The following TYW1B variants were observed in gnomAD, a reference collection of about 807,000 sequenced individuals.
The protein encoded by TYW1B is S-adenosyl-L-methionine-dependent tRNA 4-demethylwyosine synthase TYW1B.
TYW1B carries 73 observed loss-of-function variants against 86.9 expected under a neutral mutation model. The observed-to-expected ratio is 0.84, with a 90% confidence interval of 0.70 to 1.02. The LOEUF is 1.02. Among genes scored for constraint, TYW1B ranks in the 50% least tolerant of loss-of-function variants. TYW1B has a pLI of 0.00. For missense variants in TYW1B, 637 were observed against 827.4 expected, an observed-to-expected ratio of 0.77 and a Z score of 2.82; for synonymous variants, 248 against 292.8, an observed-to-expected ratio of 0.85 and a Z score of 1.56.
intron 4 of TYW1B, among the ~76,000 whole-genome samples, chr7:72,810,104 C>G (rs1483874601): frequency 6.6e-6 from 1 of 151,518 alleles, no homozygotes; most frequent in Non-Finnish European, 1.5e-5. Flanking sequence ...ATGGTGAAAC[C>G]CCGTCTCTAG....
chr7:72,680,297 TG>T (rs2129569926), intron 11 of TYW1B, among the ~76,000 whole-genome samples: 1 of 152,258 alleles, frequency 6.6e-6, no homozygotes, highest in Admixed American at 6.6e-5. Context: ...CCCCTCAGTC[TG>T]GGTGGGCACC....
intron 11 of TYW1B, among the ~76,000 whole-genome samples, chr7:72,629,653 C>T (rs1437016357): frequency 6.6e-6 from 1 of 151,984 alleles, no homozygotes; most frequent in Admixed American, 6.6e-5. Flanking sequence ...CTCAAGTGAT[C>T]CTCCTGCCTC....
chr7:72,774,082 GAAAC>G (rs1787911640), intron 7 of TYW1B, among the ~76,000 whole-genome samples: 3 of 138,826 alleles, frequency 2.2e-5, no homozygotes, highest in African/African-American at 8.0e-5. Context: ...AAAAAAAAAA[GAAAC>G]AAAGAAACTA....
chr7:72,781,037 T>C (rs1232802266), intron 6 of TYW1B, among the ~76,000 whole-genome samples: 1 of 151,948 alleles, frequency 6.6e-6, no homozygotes, highest in South Asian at 2.1e-4. Flanking sequence ...TCCTCTCCTG[T>C]ACCATCCCAT....
At chr7:72,737,071 C>T (rs1787209119) in intron 8 of TYW1B, among the ~76,000 whole-genome samples, 1 of 152,146 alleles carries the variant, frequency 6.6e-6, no homozygotes, top group Non-Finnish European at 1.5e-5. Context: ...GAACCTCACT[C>T]AAGCAATTAA....
intron 13 of TYW1B, among the ~76,000 whole-genome samples, chr7:72,579,025 T>C (rs1585821688): frequency 6.6e-6 from 1 of 152,126 alleles, no homozygotes; most frequent in East Asian, 1.9e-4. Context: ...GAGTAAAGGA[T>C]TGGTTTGAGC....
At chr7:72,762,657 TTTTTG>T (rs1189240456) in intron 7 of TYW1B, among the ~76,000 whole-genome samples, 2 of 152,100 alleles carry the variant, frequency 1.3e-5, no homozygotes, top group African/African-American at 4.8e-5. Flanking sequence ...ACTAGGGTGT[TTTTTG>T]TTTTGTTTTT....
Position 72,713,694 on chromosome 7 carries a change from A to C in TYW1B, c.1297T>G (p.Phe433Val), listed in dbSNP as rs1244986859. The C allele has an allele frequency of 1.2e-6, 2 of 1,613,742 alleles. No individual in the cohort carries two copies. Among genetic ancestry groups the C allele is most frequent in the Non-Finnish European group, 1.7e-6 (2 of 1,179,932 alleles). ...TTACACTGGTGGAGTAGCTTCAAAA[A>C]CCTGTTGATCTCTGGGTACATTATT... is the stretch of plus-strand genomic sequence containing the variant. ...EPIMYPEINR[F>V]LKLLHQCKIS... The change falls in exon 10 of 14, where the codon TTT becomes GTT. Residue 433 changes from phenylalanine (F) to valine (V), a missense_variant. Transcript: ENST00000620995.
intron 10 of TYW1B, among the ~76,000 whole-genome samples, chr7:72,698,370 C>G (rs1554451867): frequency 6.6e-6 from 1 of 152,176 alleles, no homozygotes; most frequent in African/African-American, 2.4e-5. Context: ...TCAGGCCGGG[C>G]ACAGTGGCTC....
chr7:72,761,950 G>C (rs1554467247), intron 7 of TYW1B, among the ~76,000 whole-genome samples: 2 of 151,874 alleles, frequency 1.3e-5, no homozygotes. Flanking sequence ...ATTCATAAAA[G>C]GAATTCTGCA....
intron 10 of TYW1B, among the ~76,000 whole-genome samples, chr7:72,696,959 T>C (rs1383452219): frequency 6.6e-6 from 1 of 151,686 alleles, no homozygotes; most frequent in Admixed American, 6.6e-5. Flanking sequence ...AACAGCATTC[T>C]GTCTCATCAC....
At chr7:72,798,027 ACACACACACACG>A (rs1265340563) in intron 6 of TYW1B, among the ~76,000 whole-genome samples, 3 of 116,664 alleles carry the variant, frequency 2.6e-5, no homozygotes, top group African/African-American at 9.2e-5. Context: ...ACACACACAC[ACACACACACACG>A]CACACACATA....
At chr7:72,714,335 G>A (rs1786734581) in intron 9 of TYW1B, among the ~76,000 whole-genome samples, 1 of 152,080 alleles carries the variant, frequency 6.6e-6, no homozygotes, top group African/African-American at 2.4e-5. Flanking sequence ...TACTTCTACA[G>A]GCCAGGCGCA....
intron 10 of TYW1B, among the ~76,000 whole-genome samples, chr7:72,702,971 C>CATCTATCT (rs1319459867): frequency 1.3e-4 from 5 of 37,758 alleles, no homozygotes; most frequent in East Asian, 1.6e-3. Flanking sequence ...TATCATCATT[C>CATCTATCT]ATCTATCTAT....
intron 1 of TYW1B, among the ~76,000 whole-genome samples, chr7:72,827,871 A>AC (rs1292181356): frequency 1.3e-5 from 2 of 152,170 alleles, no homozygotes; most frequent in African/African-American, 2.4e-5. Flanking sequence ...TTTCTGTCTA[A>AC]CCCCCTAGCC....
chr7:72,599,078 T>C (rs1217619558), intron 13 of TYW1B, among the ~76,000 whole-genome samples: 1 of 152,066 alleles, frequency 6.6e-6, no homozygotes, highest in Non-Finnish European at 1.5e-5. Flanking sequence ...GAGATAAAGA[T>C]ACTACAAGAA....
chr7:72,658,476 A>C (rs2129569390), intron 11 of TYW1B, among the ~76,000 whole-genome samples: 1 of 152,330 alleles, frequency 6.6e-6, no homozygotes, highest in South Asian at 2.1e-4. Context: ...ACACGTCAAT[A>C]AAGATGGTTT....
intron 5 of TYW1B, among the ~76,000 whole-genome samples, chr7:72,804,458 C>A (rs574965048): frequency 6.6e-6 from 1 of 152,046 alleles, no homozygotes; most frequent in African/African-American, 2.4e-5. Flanking sequence ...GCCTGTCCTG[C>A]GCCAGATGAT....
At chr7:72,605,339 G>T (rs1292699227) in intron 13 of TYW1B, among the ~76,000 whole-genome samples, 6 of 145,682 alleles carry the variant, frequency 4.1e-5, no homozygotes, top group South Asian at 2.2e-4. Context: ...GAATGTTGTG[G>T]TTTTTTTTTT....
Sources: gnomAD v4.1 joint callset for allele counts (sites outside exome capture counted in the v4.1 genomes callset) on GRCh38, gnomAD v4.1.1 for gene constraint, MANE v1.5 for transcripts, NCBI Gene and HGNC (gene_info 2026-07-23, HGNC 2026-07-21) for gene names.